DLG2: variants seen among roughly 807,000 people sequenced by gnomAD.
DLG2 encodes the protein discs large MAGUK scaffold protein 2, also known as disks large homolog 2.
A neutral mutation model predicts 132.5 loss-of-function variants in DLG2; 45 were observed. The observed-to-expected ratio is 0.34, with a 90% CI of 0.27 to 0.44. The LOEUF is 0.44. Among genes scored for constraint, DLG2 ranks in the 20% least tolerant of loss-of-function variants. The pLI is 1.00. For synonymous variants in DLG2, 424 were observed against 419.6 expected (o/e 1.01, Z -0.13); for missense variants, 1,045 against 1,196.9 (o/e 0.87, Z 1.87).
In DLG2 at chr11:85,263,068, G is replaced by T. The variant is rs558671673; in HGVS notation, c.186+22152C>A. On this transcript the variant is annotated intron_variant, in intron 4 of 27. Coordinates refer to ENST00000376104, the MANE Select transcript of DLG2 (RefSeq NM_001142699.3). Reference sequence around the variant, plus strand: ...CTCTCAGGGCATCCCCCCAGGAAAAGGGGGTTCCACTTATGTCTGCTGAGG... The same window carrying T: ...CTCTCAGGGCATCCCCCCAGGAAAATGGGGTTCCACTTATGTCTGCTGAGG... Among the ~76,000 whole-genome samples the T allele has an allele frequency of 1.4e-4, 21 of 152,252 alleles. No homozygotes were observed. In the South Asian group the frequency reaches 4.3e-3, roughly 32 times the overall value.
chr11:83,582,537 A>G (rs1313360841), intron 19 of DLG2, among the ~76,000 whole-genome samples: 2 of 152,230 alleles, frequency 1.3e-5, no homozygotes, highest in African/African-American at 2.4e-5. Flanking sequence ...AGGAATGCCC[A>G]CAGCTCATCA....
chr11:84,752,564 CTTT>C (rs370347853), intron 6 of DLG2, among the ~76,000 whole-genome samples: 32 of 127,506 alleles, frequency 2.5e-4, no homozygotes, highest in East Asian at 4.5e-4. Flanking sequence ...TTTTCTTTTT[CTTT>C]TTTTTTTTTT....
At chr11:84,996,922 T>C (rs2057708699) in intron 6 of DLG2, among the ~76,000 whole-genome samples, 1 of 152,176 alleles carries the variant, frequency 6.6e-6, no homozygotes, top group Admixed American at 6.6e-5. Flanking sequence ...GCCTTATTCA[T>C]TAAAGTTACC....
Position 83,614,015 on chromosome 11 carries a change from C to T in DLG2, c.1940+19196G>A, listed in dbSNP as rs557321857. ...GCAGAGAGGCAGCTAGTAAACAAGG[C>T]GATTTTTGGCCCCTCCCTGGAAAGA... On this transcript the variant is annotated intron_variant, in intron 19 of 27. Coordinates refer to ENST00000376104, the MANE Select transcript of DLG2 (RefSeq NM_001142699.3). Among the ~76,000 whole-genome samples, 5 of 130,640 alleles carry T rather than the reference C, an allele frequency of 3.8e-5. No homozygotes were observed. The South Asian group carries it at 7.5e-4, about 20-fold the overall frequency. The allele number at this position is 130,640 out of a possible 152,430, so 85.7% of individuals were successfully genotyped here. A position where few individuals can be genotyped will look rare whatever the true frequency, so the allele number is the denominator to read the frequency against.
At chr11:84,755,554 G>A (rs2066755174) in intron 6 of DLG2, among the ~76,000 whole-genome samples, 2 of 152,168 alleles carry the variant, frequency 1.3e-5, no homozygotes, top group South Asian at 4.1e-4. Flanking sequence ...CTCCCAAGTA[G>A]CTGGGACTAC....
chr11:84,907,221 A>G (rs1222358596), intron 6 of DLG2, among the ~76,000 whole-genome samples: 1 of 152,152 alleles, frequency 6.6e-6, no homozygotes, highest in African/African-American at 2.4e-5. Flanking sequence ...TGATGAGGCA[A>G]TTCAACATAC....
intron 19 of DLG2, among the ~76,000 whole-genome samples, chr11:83,587,810 G>A (rs1463869446): frequency 2.6e-5 from 4 of 152,184 alleles, no homozygotes; most frequent in East Asian, 1.9e-4. Flanking sequence ...GAAGCAGGGC[G>A]AGGCATTGCC....
intron 16 of DLG2, among the ~76,000 whole-genome samples, chr11:83,863,511 C>T (rs1052615796): frequency 2.6e-5 from 4 of 151,680 alleles, no homozygotes; most frequent in South Asian, 2.1e-4. Flanking sequence ...TGAGTCCTGG[C>T]GTGGAGGAGG....
intron 7 of DLG2, among the ~76,000 whole-genome samples, chr11:84,506,044 A>G (rs1312488228): frequency 4.7e-5 from 7 of 149,590 alleles, no homozygotes; most frequent in Admixed American, 4.7e-4. Context: ...GCTGGGTTAC[A>G]CAGTTTGCTC....
intron 3 of DLG2, among the ~76,000 whole-genome samples, chr11:85,343,831 G>A (rs992115945): frequency 5.3e-5 from 8 of 152,138 alleles, no homozygotes; most frequent in Admixed American, 4.6e-4. Flanking sequence ...GTTGCTATTA[G>A]GTGAGCAACA....
chr11:84,988,575 C>A (rs1000404739), intron 6 of DLG2, among the ~76,000 whole-genome samples: 5 of 152,000 alleles, frequency 3.3e-5, no homozygotes, highest in African/African-American at 1.2e-4. Context: ...TTCGCAGCAA[C>A]CTGGATGAGA....
At chr11:84,939,603 A>G (rs186647995) in intron 6 of DLG2, among the ~76,000 whole-genome samples, 120 of 152,170 alleles carry the variant, frequency 7.9e-4, no homozygotes, top group Middle Eastern at 3.4e-3. Flanking sequence ...ACTGGTAACC[A>G]TCCTTGTACT....
intron 7 of DLG2, among the ~76,000 whole-genome samples, chr11:84,459,241 C>T (rs1463639655): frequency 2.7e-5 from 4 of 150,818 alleles, no homozygotes; most frequent in African/African-American, 2.4e-5. Flanking sequence ...CTATTCCACA[C>T]GTAGCCATTC....
At chr11:83,796,236 T>C (rs2042793768) in intron 17 of DLG2, among the ~76,000 whole-genome samples, 1 of 152,218 alleles carries the variant, frequency 6.6e-6, no homozygotes, top group Non-Finnish European at 1.5e-5. Context: ...GGATCAACAC[T>C]AATGAAGAAC....
intron 7 of DLG2, among the ~76,000 whole-genome samples, chr11:84,393,387 CCTTT>C (rs1399877609): frequency 1.3e-5 from 2 of 152,000 alleles, no homozygotes; most frequent in African/African-American, 4.8e-5. Context: ...CACTCTAAAT[CCTTT>C]CTGTCTGTCT....
intron 7 of DLG2, among the ~76,000 whole-genome samples, chr11:84,386,425 G>A (rs1470922352): frequency 1.3e-5 from 2 of 151,828 alleles, no homozygotes; most frequent in African/African-American, 4.8e-5. Context: ...TTCAATATTT[G>A]ACAGTCTTCC....
At chr11:83,686,170 C>T (rs964059404) in intron 18 of DLG2, among the ~76,000 whole-genome samples, 9 of 152,098 alleles carry the variant, frequency 5.9e-5, no homozygotes, top group African/African-American at 2.2e-4. Flanking sequence ...AAAATTCAGA[C>T]ACCAACACTC....
intron 7 of DLG2, among the ~76,000 whole-genome samples, chr11:84,365,726 G>T (rs550091720): frequency 6.6e-6 from 1 of 151,742 alleles, no homozygotes; most frequent in South Asian, 2.1e-4. Flanking sequence ...TGTTCTCTTT[G>T]GTTTCAAAGA....
chr11:85,416,533 A>T (rs1362147963), intron 3 of DLG2, among the ~76,000 whole-genome samples: 2 of 152,230 alleles, frequency 1.3e-5, no homozygotes, highest in Non-Finnish European at 2.9e-5. Flanking sequence ...AACTTTAGGC[A>T]GTATGGCCAT....
Sources: gnomAD v4.1 joint callset for allele counts (sites outside exome capture counted in the v4.1 genomes callset) on GRCh38, gnomAD v4.1.1 for gene constraint, MANE v1.5 for transcripts, NCBI Gene and HGNC (gene_info 2026-07-23, HGNC 2026-07-21) for gene names.